The following DCAF10 variants were observed in gnomAD, a reference collection of about 807,000 sequenced individuals.
DCAF10 encodes the protein DDB1 and CUL4 associated factor 10, also known as DDB1- and CUL4-associated factor 10.
A neutral mutation model predicts 51.9 loss-of-function variants in DCAF10; 19 were observed. The ratio of observed to expected loss-of-function variants is 0.37; its 90% CI spans 0.26 to 0.54. DCAF10 has a LOEUF of 0.54. Ranked by LOEUF, DCAF10 falls within the 20% of genes least tolerant of loss-of-function variation. The pLI is 0.87. For synonymous variants in DCAF10, 291 were observed against 297.1 expected, an observed-to-expected ratio of 0.98 and a Z score of 0.21; for missense variants, 510 against 730.6, an observed-to-expected ratio of 0.70 and a Z score of 3.48.
In DCAF10 at chr9:37,861,147, G is replaced by T; in HGVS notation, c.1319G>T (p.Cys440Phe). The T allele has an allele frequency of 6.2e-7, 1 of 1,600,678 alleles. No individual in the cohort carries two copies. The highest frequency in any genetic ancestry group is 2.2e-5 in the East Asian group (1 of 44,478). ...SSNSDDEECT[C>F]VYEFQEGAPV... ...TCCCTTCTCTCCCCCTAGTGTACTT[G>T]TGTCTATGAATTCCAAGAAGGAGCT... The change falls in exon 7 of 7, where the codon TGT (cysteine) becomes TTT (phenylalanine). Residue 440 changes from cysteine to phenylalanine, a missense_variant. By Grantham distance (205) the Cys-to-Phe change is radical (BLOSUM62 -2). Transcript: ENST00000377724. The surrounding 1 kb of genome is among the most constrained non-coding windows in gnomAD (Gnocchi z 4.9).
At chr9:37,814,127 T>TATATATATATATATATA (rs1554685262) in intron 1 of DCAF10, among the ~76,000 whole-genome samples, 2 of 100,652 alleles carry the variant, frequency 2.0e-5, no homozygotes, top group Non-Finnish European at 3.9e-5. Context: ...TATATATATA[T>TATATATATATATATATA]TTGTTGTTGT....
At chr9:37,830,383 G>A (rs1198755734) in intron 2 of DCAF10, among the ~76,000 whole-genome samples, 1 of 152,206 alleles carries the variant, frequency 6.6e-6, no homozygotes, top group Non-Finnish European at 1.5e-5. Context: ...ATTGTGCCTA[G>A]CATATGGTGG....
chr9:37,829,437 T>C lies in DCAF10; in HGVS notation c.653+10036T>C, dbSNP rs1203428350. Among the ~76,000 whole-genome samples the C allele has an allele frequency of 6.6e-6, 1 of 151,930 alleles. No homozygotes were observed. The highest frequency in any genetic ancestry group is 1.9e-4 in the East Asian group (1 of 5,178). On this transcript the variant is annotated intron_variant, in intron 2 of 6. Transcript: ENST00000377724. This position sits in a 1 kb window ranked among gnomAD's most constrained non-coding sequence, Gnocchi z 4.2. Reference sequence around the variant, plus strand: ...CCTGGGCAACAAGAGCAAGACTCCATGTCAAAAAAATTAATAAATAAAATA... The same window carrying C: ...CCTGGGCAACAAGAGCAAGACTCCACGTCAAAAAAATTAATAAATAAAATA...
At position 37,867,102 on chromosome 9, in the gene DCAF10, A is replaced by C. The variant is rs1564059324; in HGVS notation, c.*5594A>C. On this transcript the variant is annotated 3_prime_UTR_variant, in exon 7 of 7. Transcript: ENST00000377724. ...TTTCTCCCATTCAAATGATAATGGA[A>C]ATTACTGTCAAAAGGAAAATCTCAA... The C allele has an allele frequency of 6.6e-6, 1 of 152,154 alleles. No homozygotes were observed. The highest frequency in any genetic ancestry group is 1.5e-5 in the Non-Finnish European group (1 of 68,028). The allele number at this position is 152,154 out of a possible 1,614,324, so 9.4% of individuals were successfully genotyped here. A position where few individuals can be genotyped will look rare whatever the true frequency, so the allele number is the denominator to read the frequency against.
intron 1 of DCAF10, among the ~76,000 whole-genome samples, chr9:37,812,221 T>C (rs1829369939): frequency 2.0e-5 from 3 of 151,042 alleles, no homozygotes; most frequent in Non-Finnish European, 4.4e-5. Flanking sequence ...CCAACTGCTT[T>C]AAAAACAAAA....
intron 1 of DCAF10, among the ~76,000 whole-genome samples, chr9:37,810,367 G>A (rs1203592012): frequency 6.6e-6 from 1 of 152,180 alleles, no homozygotes; most frequent in East Asian, 1.9e-4. Context: ...AGTGATGTGA[G>A]CCCAGCATTT....
intron 1 of DCAF10, among the ~76,000 whole-genome samples, chr9:37,807,823 C>T (rs13296000): frequency 0.16 from 24,458 of 151,690 alleles, 2,115 homozygotes; most frequent in East Asian, 0.34. Flanking sequence ...CCACCACGCT[C>T]GGCTAATTTT....
intron 2 of DCAF10, among the ~76,000 whole-genome samples, chr9:37,830,657 T>C (rs1185795714): frequency 6.6e-6 from 1 of 152,212 alleles, no homozygotes; most frequent in Non-Finnish European, 1.5e-5. Context: ...TCACAGATGT[T>C]TGTTATATTT....
At chr9:37,827,765 G>A (rs763892830) in intron 2 of DCAF10, among the ~76,000 whole-genome samples, 3 of 152,192 alleles carry the variant, frequency 2.0e-5, no homozygotes, top group Non-Finnish European at 2.9e-5. Context: ...GAATTTAGTA[G>A]AAAGTGACTC....
chr9:37,839,931 A>C lies in DCAF10; in HGVS notation c.654-2158A>C, dbSNP rs577763730. On this transcript the variant is annotated intron_variant, in intron 2 of 6. Transcript: ENST00000377724. ...ATGTGTATTGTATACTGCAGATCTAACCATGACCCTAGGCAGACAGGTTCC... is the reference window on the plus strand; with the variant it reads ...ATGTGTATTGTATACTGCAGATCTACCCATGACCCTAGGCAGACAGGTTCC... 3.3e-5 allele frequency among the ~76,000 whole-genome samples: 5 copies of C among 152,296 alleles called. No individual in the cohort carries two copies. The South Asian group carries it at 1.0e-3, about 32-fold the overall frequency.
At chr9:37,855,767 T>C (rs139810966) in intron 4 of DCAF10, among the ~76,000 whole-genome samples, 1 of 152,336 alleles carries the variant, frequency 6.6e-6, no homozygotes, top group East Asian at 1.9e-4. Context: ...CCCATCACTT[T>C]GGGAGGCCAA....
At chr9:37,836,094 G>T (rs1830157609) in intron 2 of DCAF10, 1 of 1,222,252 alleles carries the variant, frequency 8.2e-7, no homozygotes, top group African/African-American at 1.5e-5. Context: ...TGATGCTAAA[G>T]AACTTGGTAT....
At chr9:37,828,373 G>C (rs1195266785) in intron 2 of DCAF10, among the ~76,000 whole-genome samples, 1 of 152,148 alleles carries the variant, frequency 6.6e-6, no homozygotes, top group African/African-American at 2.4e-5. Context: ...TGTAGTTCCA[G>C]GTACTTGGGA....
rs574334180 is a variant in DCAF10, at chr9:37,801,462, G to A, written c.539+57G>A. 142 of 1,364,602 alleles carry A rather than the reference G, an allele frequency of 1.0e-4. No homozygotes were observed. The African/African-American group carries it at 2.0e-3, about 19-fold the overall frequency. 84.5% of individuals were successfully genotyped at this position (1,364,602 alleles called of 1,614,324 possible). A position where few individuals can be genotyped will look rare whatever the true frequency, so the allele number is the denominator to read the frequency against. On this transcript the variant is annotated intron_variant, in intron 1 of 6. Coordinates refer to ENST00000377724, the MANE Select transcript of DCAF10 (RefSeq NM_024345.5). The surrounding 1 kb of genome is among the most constrained non-coding windows in gnomAD (Gnocchi z 5.5). ...GCCTCCGCCCGGCTCTGCTGCCAGC[G>A]GACGGCCGTCCTGGGCTCGCTCCCC...
At chr9:37,815,796 A>G (rs549186782) in intron 1 of DCAF10, among the ~76,000 whole-genome samples, 1 of 152,218 alleles carries the variant, frequency 6.6e-6, no homozygotes, top group Non-Finnish European at 1.5e-5. Context: ...GCAATAAGCA[A>G]AGCCAAAAAA....
intron 1 of DCAF10, among the ~76,000 whole-genome samples, chr9:37,818,726 A>T (rs1589084563): frequency 6.6e-6 from 1 of 152,126 alleles, no homozygotes; most frequent in Non-Finnish European, 1.5e-5. Flanking sequence ...TTGTATATGA[A>T]TTTCCCGTAA....
chr9:37,816,659 G>GGGGGGTGTGTGTGTGTGT (rs372664140), intron 1 of DCAF10, among the ~76,000 whole-genome samples: 1,549 of 144,918 alleles, frequency 0.011, 9 homozygotes, highest in Middle Eastern at 0.015. Context: ...CTGCACCTGG[G>GGGGGGTGTGTGTGTGTGT]GTGTGTGTGT....
chr9:37,841,615 T>G (rs1447263905), intron 2 of DCAF10, among the ~76,000 whole-genome samples: 1 of 152,222 alleles, frequency 6.6e-6, no homozygotes, highest in Non-Finnish European at 1.5e-5. Context: ...AATTTTTGTA[T>G]GTAACTGTGT....
Position 37,842,134 on chromosome 9 carries a change from A to G in DCAF10, c.699A>G (p.Thr233=), listed in dbSNP as rs759098252. 6.2e-7 allele frequency: 1 copy of G among 1,613,972 alleles called. No individual in the cohort carries two copies. Among genetic ancestry groups the G allele is most frequent in the Non-Finnish European group, 8.5e-7 (1 of 1,179,948 alleles). ...RLFATCSDDT[T]IALWDLRKLN... Reference sequence around the variant, plus strand: ...TTGCTACCTGCTCTGATGACACTACAATAGCACTATGGGATCTGAGAAAAT... The same window carrying G: ...TTGCTACCTGCTCTGATGACACTACGATAGCACTATGGGATCTGAGAAAAT... Residue 233 remains threonine, a synonymous_variant, in exon 3 of 7, where the codon ACA becomes ACG. Coordinates refer to ENST00000377724, the MANE Select transcript of DCAF10 (RefSeq NM_024345.5).
Sources: allele counts gnomAD v4.1 joint callset (sites outside exome capture counted in the v4.1 genomes callset), GRCh38; gene constraint gnomAD v4.1.1; non-coding constraint Gnocchi (gnomAD v3.1); transcripts MANE v1.5; gene names NCBI Gene and HGNC (gene_info 2026-07-23, HGNC 2026-07-21).